SAMD8: variants seen among roughly 807,000 people sequenced by gnomAD.
SAMD8 encodes sterile alpha motif domain containing 8.
Under a neutral mutation model 42.0 loss-of-function variants are expected in SAMD8, and 20 were observed. The ratio of observed to expected loss-of-function variants is 0.48; its 90% confidence interval spans 0.34 to 0.69. The LOEUF (loss-of-function observed/expected upper bound fraction) is 0.69, where lower values mean the gene tolerates loss of function less well. SAMD8 is among the 30% of genes least tolerant of loss of function. SAMD8 has a pLI of 0.01. For missense variants in SAMD8, 328 were observed against 511.6 expected (o/e 0.64, Z 3.46); for synonymous variants, 162 against 173.0 (o/e 0.94, Z 0.50).
chr10:75,165,567 A>C (rs1840654585), intron 3 of SAMD8, among the ~76,000 whole-genome samples: 1 of 151,626 alleles, frequency 6.6e-6, no homozygotes, highest in African/African-American at 2.4e-5. Flanking sequence ...CTAACTTGGG[A>C]GGCTGAGGCA....
chr10:75,164,237 A>C (rs1203323144), intron 2 of SAMD8, among the ~76,000 whole-genome samples: 3 of 152,122 alleles, frequency 2.0e-5, no homozygotes, highest in Admixed American at 6.5e-5. Flanking sequence ...AACAACAATA[A>C]CAACAAAGCA....
intron 2 of SAMD8, among the ~76,000 whole-genome samples, chr10:75,164,166 T>C (rs2657285): frequency 0.56 from 84,434 of 152,058 alleles, 25,322 homozygotes; most frequent in East Asian, 0.9. Context: ...TGCAGTCAGC[T>C]GTGATGGCAC....
upstream of SAMD8, chr10:75,109,178 C>A: frequency 6.4e-7 from 1 of 1,553,184 alleles, no homozygotes; most frequent in African/African-American, 1.4e-5. Flanking sequence ...GCCCACCCCT[C>A]TGCCTCTGTG....
chr10:75,105,875 A>C (rs748449847), intron 1 of SAMD8: 150 of 1,545,334 alleles, frequency 9.7e-5, no homozygotes, highest in Non-Finnish European at 1.2e-4. Context: ...TTGGCTGAGG[A>C]AGACATCCTG....
chr10:75,103,932 G>T (rs1176262218), intron 1 of SAMD8: 2 of 1,317,262 alleles, frequency 1.5e-6, no homozygotes, highest in Non-Finnish European at 2.0e-6. Flanking sequence ...GGGGGTGTAG[G>T]CGCCAGGAGG....
chr10:75,158,726 T>C (rs1049067721), intron 2 of SAMD8, among the ~76,000 whole-genome samples: 1 of 152,224 alleles, frequency 6.6e-6, no homozygotes. Flanking sequence ...TCATACTCTA[T>C]TCCTTCCTTT....
At chr10:75,170,778 T>C (rs965695007) in intron 4 of SAMD8, among the ~76,000 whole-genome samples, 3 of 146,664 alleles carry the variant, frequency 2.0e-5, no homozygotes, top group Admixed American at 6.8e-5. Context: ...GGGTTTTTTT[T>C]TTTTTTTTTT....
intron 1 of SAMD8, among the ~76,000 whole-genome samples, chr10:75,146,698 C>A (rs1040139936): frequency 6.6e-6 from 1 of 152,126 alleles, no homozygotes; most frequent in Non-Finnish European, 1.5e-5. Context: ...TTTAACAGAT[C>A]ATTTATTTGT....
Position 75,168,672 on chromosome 10 carries a change from T to A in SAMD8, c.792+14T>A. On this transcript the variant is annotated intron_variant, in intron 4 of 5. Transcript: ENST00000542569. ...TGTACTGGAAAGGTAGCCTGCTACC[T>A]TCTTTATCATTCTTGTTTTTGGTGG... 6.6e-7 allele frequency: 1 copy of A among 1,507,832 alleles called. No homozygotes were observed. Among genetic ancestry groups the A allele is most frequent in the Non-Finnish European group, 9.2e-7 (1 of 1,083,222 alleles). 93.4% of individuals were successfully genotyped at this position (1,507,832 alleles called of 1,614,324 possible). A position where few individuals can be genotyped will look rare whatever the true frequency, so the allele number is the denominator to read the frequency against.
chr10:75,144,077 C>T (rs1214589503), intron 1 of SAMD8, among the ~76,000 whole-genome samples: 1 of 151,434 alleles, frequency 6.6e-6, no homozygotes, highest in Non-Finnish European at 1.5e-5. Context: ...AAGTGATTCT[C>T]CTGCCTCAGC....
intron 1 of SAMD8, chr10:75,103,935 C>T (rs1848334847): frequency 1.3e-5 from 17 of 1,318,474 alleles, no homozygotes; most frequent in Non-Finnish European, 1.7e-5. Context: ...GGTGTAGGCG[C>T]CAGGAGGAGC....
chr10:75,127,625 G>A (rs1262880904), intron 1 of SAMD8, among the ~76,000 whole-genome samples: 3 of 152,218 alleles, frequency 2.0e-5, no homozygotes, highest in African/African-American at 7.2e-5. Context: ...GAGTTTGTGA[G>A]TTAGGGTGTA....
At chr10:75,103,290 A>T (rs1012560152) in intron 1 of SAMD8, among the ~76,000 whole-genome samples, 3 of 152,254 alleles carry the variant, frequency 2.0e-5, no homozygotes, top group Non-Finnish European at 2.9e-5. Context: ...CCGATGGGAC[A>T]GGTCCAGGAT....
intron 2 of SAMD8, among the ~76,000 whole-genome samples, chr10:75,163,944 C>T (rs1421291313): frequency 2.0e-5 from 3 of 152,128 alleles, no homozygotes; most frequent in South Asian, 2.1e-4. Context: ...AGGGGCCAGG[C>T]GCTGTGGCTC....
intron 1 of SAMD8, chr10:75,105,576 A>G (rs539291326): frequency 7.7e-7 from 1 of 1,304,318 alleles, no homozygotes; most frequent in African/African-American, 1.5e-5. Flanking sequence ...CAATCCTGGA[A>G]GAATCCAATC....
At chr10:75,104,872 C>A (rs1000283755) in intron 1 of SAMD8, among the ~76,000 whole-genome samples, 2 of 151,988 alleles carry the variant, frequency 1.3e-5, no homozygotes, top group African/African-American at 4.8e-5. Flanking sequence ...CCTTCAGAGA[C>A]AGGAACTGCT....
At chr10:75,124,250 A>G (rs1458128477) in intron 1 of SAMD8, among the ~76,000 whole-genome samples, 1 of 152,048 alleles carries the variant, frequency 6.6e-6, no homozygotes, top group Non-Finnish European at 1.5e-5. Context: ...TATAATGTCC[A>G]TAGAGTAATA....
chr10:75,148,813 G>A (rs1423699675), intron 1 of SAMD8, among the ~76,000 whole-genome samples: 1 of 152,204 alleles, frequency 6.6e-6, no homozygotes, highest in Non-Finnish European at 1.5e-5. Flanking sequence ...CTTCAGGATA[G>A]AAGGATATTC....
chr10:75,111,228 T>C (rs1441400678), upstream of SAMD8, among the ~76,000 whole-genome samples: 1 of 152,232 alleles, frequency 6.6e-6, no homozygotes, highest in Non-Finnish European at 1.5e-5. Flanking sequence ...GGAGAAGAGC[T>C]GGCTCTCTCC....
Sources: allele counts gnomAD v4.1 joint callset (sites outside exome capture counted in the v4.1 genomes callset), GRCh38; gene constraint gnomAD v4.1.1; transcripts MANE v1.5; gene names NCBI Gene and HGNC (gene_info 2026-07-23, HGNC 2026-07-21).